The following SYN3 variants were observed in gnomAD, a reference collection of about 807,000 sequenced individuals.
SYN3 encodes the protein synapsin III, also known as synapsin-3.
SYN3 carries 35 observed loss-of-function variants against 65.8 expected under a neutral mutation model. The observed-to-expected ratio is 0.53, with a 90% CI of 0.41 to 0.70. The LOEUF (loss-of-function observed/expected upper bound fraction) is 0.70, where lower values mean the gene tolerates loss of function less well. SYN3 is among the 30% of genes least tolerant of loss of function. The pLI is 0.00. For missense variants in SYN3, 680 were observed against 749.0 expected (o/e 0.91, Z 1.08); for synonymous variants, 270 against 292.9 (o/e 0.92, Z 0.80).
intron 6 of SYN3, among the ~76,000 whole-genome samples, chr22:32,609,515 T>C (rs1196168686): frequency 4.6e-5 from 7 of 151,002 alleles, no homozygotes; most frequent in Non-Finnish European, 5.9e-5. Context: ...CTTTCTCTGT[T>C]GCCCAGGCTG....
intron 4 of SYN3, among the ~76,000 whole-genome samples, chr22:32,871,915 A>G (rs948583906): frequency 6.6e-6 from 1 of 151,914 alleles, no homozygotes; most frequent in Non-Finnish European, 1.5e-5. Context: ...GGCATGAACC[A>G]CCCTACCCAG....
intron 7 of SYN3, among the ~76,000 whole-genome samples, chr22:32,566,837 A>G (rs2058678290): frequency 6.6e-6 from 1 of 152,204 alleles, no homozygotes; most frequent in Admixed American, 6.5e-5. Flanking sequence ...CCCTTCAGAA[A>G]GCAACATTGA....
intron 6 of SYN3, among the ~76,000 whole-genome samples, chr22:32,785,994 AAAGAAG>A (rs145422279): frequency 3.2e-4 from 46 of 145,286 alleles, no homozygotes; most frequent in African/African-American, 8.7e-4. Flanking sequence ...AAACCACTTC[AAAGAAG>A]AAGAAGAAGA....
At chr22:32,577,430 G>C (rs545570732) in intron 7 of SYN3, among the ~76,000 whole-genome samples, 1 of 152,296 alleles carries the variant, frequency 6.6e-6, no homozygotes, top group South Asian at 2.1e-4. Context: ...TGCTAGAAAG[G>C]GACCCCCTTG....
intron 6 of SYN3, among the ~76,000 whole-genome samples, chr22:32,758,148 A>C (rs1430749964): frequency 6.6e-6 from 1 of 152,172 alleles, no homozygotes; most frequent in East Asian, 1.9e-4. Context: ...TGTTAACTTT[A>C]TGTAATAGTA....
intron 6 of SYN3, among the ~76,000 whole-genome samples, chr22:32,686,333 C>T (rs1006547990): frequency 9.9e-5 from 15 of 151,014 alleles, no homozygotes; most frequent in South Asian, 2.1e-4. Flanking sequence ...TCAACTCTGC[C>T]GACCATCGCC....
rs56371665 is a variant in SYN3 at position 33,008,998 on chromosome 22, G to T, written c.-162-2174C>A. ...AGAAAAGAAAAAGAAAAAAGAAAAAGAAAATCGGAAATGTTTGCAGTTTTC... is the reference window on the plus strand; with the variant it reads ...AGAAAAGAAAAAGAAAAAAGAAAAATAAAATCGGAAATGTTTGCAGTTTTC... On this transcript the variant is annotated intron_variant, in intron 1 of 13. Transcript: ENST00000358763. Among the ~76,000 whole-genome samples the T allele has an allele frequency of 4.0e-3, 391 of 96,554 alleles. 4 individuals carry two copies. Among genetic ancestry groups the T allele is most frequent in the South Asian group, 0.024 (58 of 2,376 alleles). The allele number at this position is 96,554 out of a possible 152,430, so 63.3% of individuals were successfully genotyped here.
At chr22:32,962,801 C>CATCTATCTATCTATCTATCT (rs56349346) in intron 3 of SYN3, among the ~76,000 whole-genome samples, 1 of 146,482 alleles carries the variant, frequency 6.8e-6, no homozygotes, top group African/African-American at 2.5e-5. Flanking sequence ...AGAGTATCGG[C>CATCTATCTATCTATCTATCT]ATCTATCTAT....
At chr22:32,746,792 G>A (rs1410221577) in intron 6 of SYN3, among the ~76,000 whole-genome samples, 1 of 152,226 alleles carries the variant, frequency 6.6e-6, no homozygotes, top group Non-Finnish European at 1.5e-5. Flanking sequence ...TTTGCAGGTG[G>A]TCAGTGGATG....
intron 13 of SYN3, among the ~76,000 whole-genome samples, chr22:32,514,948 G>A (rs558364070): frequency 3.2e-4 from 49 of 152,166 alleles, no homozygotes; most frequent in African/African-American, 7.7e-4. Context: ...TCCTTGAGGC[G>A]GAGCTTGCAG....
intron 1 of SYN3, among the ~76,000 whole-genome samples, chr22:33,030,832 G>C (rs564659341): frequency 5.3e-5 from 8 of 152,010 alleles, no homozygotes; most frequent in Non-Finnish European, 1.2e-4. Flanking sequence ...CAGAGAGACA[G>C]AGAGATAGTG....
intron 6 of SYN3, among the ~76,000 whole-genome samples, chr22:32,757,065 G>GC (rs1308429344): frequency 6.7e-6 from 1 of 150,294 alleles, no homozygotes; most frequent in Admixed American, 6.6e-5. Flanking sequence ...TTTGAGGGGG[G>GC]GTGGTTTGGA....
intron 13 of SYN3, among the ~76,000 whole-genome samples, chr22:32,516,123 G>A (rs957620959): frequency 1.3e-5 from 2 of 151,962 alleles, no homozygotes; most frequent in African/African-American, 4.8e-5. Flanking sequence ...AACATGAAAA[G>A]CAGTGAGCAG....
intron 6 of SYN3, among the ~76,000 whole-genome samples, chr22:32,760,617 C>A (rs2045453356): frequency 6.6e-6 from 1 of 152,162 alleles, no homozygotes; most frequent in Admixed American, 6.5e-5. Flanking sequence ...CAGCCTCCCA[C>A]CGTCTACCCT....
At chr22:32,874,141 A>G (rs946126682) in intron 4 of SYN3, among the ~76,000 whole-genome samples, 1 of 152,162 alleles carries the variant, frequency 6.6e-6, no homozygotes, top group African/African-American at 2.4e-5. Context: ...CTCAAAAAAG[A>G]AAAAGAAAGT....
chr22:32,868,860 A>C, intron 5 of SYN3, 106 bp downstream of exon 5: 1 of 1,045,878 alleles, frequency 9.6e-7, no homozygotes, highest in Non-Finnish European at 1.3e-6. Context: ...CTTAAATAAG[A>C]ATTTTTACTA....
intron 6 of SYN3, among the ~76,000 whole-genome samples, chr22:32,612,729 C>A (rs1447452095): frequency 6.6e-6 from 1 of 152,076 alleles, no homozygotes; most frequent in Non-Finnish European, 1.5e-5. Context: ...GTAGTCCCAG[C>A]CACTTGGGAG....
intron 2 of SYN3, among the ~76,000 whole-genome samples, chr22:32,995,259 A>C (rs2052845120): frequency 6.6e-6 from 1 of 152,240 alleles, no homozygotes; most frequent in Non-Finnish European, 1.5e-5. Context: ...GCCCCGTGGT[A>C]GCAGAGCCAG....
rs73401512 is a variant in SYN3 at position 32,871,425 on chromosome 22, C to T, written c.462-2300G>A. Among the ~76,000 whole-genome samples, 1,362 of 152,194 alleles carry T rather than the reference C, an allele frequency of 8.9e-3. 27 individuals carry two copies. Among genetic ancestry groups the T allele is most frequent in the African/African-American group, 0.031 (1,308 of 41,526 alleles). ...AGCAGGAAGCTCCTCATTGTCTTTA[C>T]GGATTTGGAAATCTACCTCAAGATC... On this transcript the variant is annotated intron_variant, in intron 4 of 13. Transcript: ENST00000358763.
Sources: allele counts gnomAD v4.1 joint callset (sites outside exome capture counted in the v4.1 genomes callset), GRCh38; gene constraint gnomAD v4.1.1; transcripts MANE v1.5; gene names NCBI Gene and HGNC (gene_info 2026-07-23, HGNC 2026-07-21).